Variants in CACNA2D3 observed in about 807,000 individuals in gnomAD.
CACNA2D3 encodes calcium voltage-gated channel auxiliary subunit alpha2delta 3.
A neutral mutation model predicts 160.6 loss-of-function variants in CACNA2D3; 60 were observed. The ratio of observed to expected loss-of-function variants is 0.37; its 90% CI spans 0.30 to 0.46. The LOEUF is 0.46. Ranked by LOEUF, CACNA2D3 falls within the 20% of genes least tolerant of loss-of-function variation. The pLI is 1.00. For missense variants in CACNA2D3, 1,205 were observed against 1,365.0 expected, an observed-to-expected ratio of 0.88 and a Z score of 1.85; for synonymous variants, 558 against 492.9, an observed-to-expected ratio of 1.13 and a Z score of -1.75.
intron 11 of CACNA2D3, among the ~76,000 whole-genome samples, chr3:54,680,358 T>C (rs1248357067): frequency 2.0e-5 from 3 of 152,204 alleles, no homozygotes; most frequent in Admixed American, 6.5e-5. Context: ...TTTTTCCAGA[T>C]GTGTTTATAT....
intron 2 of CACNA2D3, among the ~76,000 whole-genome samples, chr3:54,246,237 G>A (rs774465917): frequency 5.3e-5 from 8 of 152,192 alleles, no homozygotes; most frequent in Middle Eastern, 3.4e-3. Context: ...AAAATCCATG[G>A]CTTATATTTT....
At position 54,763,386 on chromosome 3, in the gene CACNA2D3, G is replaced by A. The variant is rs183666913; in HGVS notation, c.1247-832G>A. Among the ~76,000 whole-genome samples, 549 of 152,032 alleles carry A rather than the reference G, an allele frequency of 3.6e-3. 4 individuals carry two copies. Among genetic ancestry groups the A allele is most frequent in the African/African-American group, 0.013 (524 of 41,486 alleles). On this transcript the variant is annotated intron_variant, in intron 12 of 37. Transcript: ENST00000474759. ...TTAAATATGTTGTCACAAAGAAAAG[G>A]GACAACGTTGATCAAGTGTTTAGCA...
intron 11 of CACNA2D3, among the ~76,000 whole-genome samples, chr3:54,729,860 G>T (rs1457133150): frequency 2.6e-5 from 4 of 151,998 alleles, no homozygotes; most frequent in South Asian, 2.1e-4. Context: ...TAAGCTGGGC[G>T]TGATGGCAGG....
At chr3:54,899,652 T>C in intron 26 of CACNA2D3, 136 bp from the exon 27 acceptor site, 1 of 650,498 alleles carries the variant, frequency 1.5e-6, no homozygotes, top group Middle Eastern at 3.9e-4. Flanking sequence ...CATCCACACC[T>C]CAGAGGACTC....
intron 31 of CACNA2D3, among the ~76,000 whole-genome samples, chr3:54,990,914 C>CT (rs1410601248): frequency 6.6e-6 from 1 of 152,238 alleles, no homozygotes; most frequent in African/African-American, 2.4e-5. Flanking sequence ...GTGAAACAAT[C>CT]TAAGAGGCAA....
At chr3:55,073,617 T>G in intron 36 of CACNA2D3, 60 bp downstream of exon 36, 1 of 1,379,508 alleles carries the variant, frequency 7.2e-7, no homozygotes, top group Non-Finnish European at 1.0e-6. Context: ...GTATCAGTGG[T>G]AAGGAAACCT....
chr3:54,635,793 C>T (rs1019735398), intron 10 of CACNA2D3, among the ~76,000 whole-genome samples: 1 of 151,836 alleles, frequency 6.6e-6, no homozygotes, highest in East Asian at 1.9e-4. Flanking sequence ...AACTGCTTGG[C>T]TGATTTGACT....
At chr3:54,515,174 CTGTG>C (rs34453702) in intron 5 of CACNA2D3, among the ~76,000 whole-genome samples, 6 of 134,328 alleles carry the variant, frequency 4.5e-5, no homozygotes, top group African/African-American at 1.5e-4. Context: ...GTGTGTGTGT[CTGTG>C]TGTGTGTGTG....
intron 13 of CACNA2D3, among the ~76,000 whole-genome samples, chr3:54,800,470 G>A (rs964727497): frequency 3.9e-5 from 6 of 152,272 alleles, no homozygotes; most frequent in African/African-American, 1.4e-4. Context: ...CTGAAGAATG[G>A]CAATTTTAAT....
intron 27 of CACNA2D3, chr3:54,967,121 T>C (rs1040725299): frequency 1.3e-5 from 2 of 152,246 alleles, no homozygotes; most frequent in Non-Finnish European, 2.9e-5. Flanking sequence ...CGTGCACTGC[T>C]CTAGTCTTTA....
chr3:54,688,852 T>C (rs1328919882), intron 11 of CACNA2D3, among the ~76,000 whole-genome samples: 3 of 150,922 alleles, frequency 2.0e-5, no homozygotes, highest in African/African-American at 7.3e-5. Flanking sequence ...AATACAAAAA[T>C]TAGCTGGACG....
chr3:54,890,645 C>T (rs1294479624), intron 24 of CACNA2D3, among the ~76,000 whole-genome samples: 1 of 152,004 alleles, frequency 6.6e-6, no homozygotes, highest in Non-Finnish European at 1.5e-5. Context: ...GAAGTTGAAA[C>T]AAAATGATAT....
At chr3:54,450,264 C>G (rs80025697) in intron 4 of CACNA2D3, among the ~76,000 whole-genome samples, 1,776 of 152,310 alleles carry the variant, frequency 0.012, 24 homozygotes, top group Non-Finnish European at 0.018. Flanking sequence ...GTTAGGACTT[C>G]CACATATCTT....
chr3:54,556,907 A>G (rs1702249850), intron 5 of CACNA2D3, among the ~76,000 whole-genome samples: 1 of 152,188 alleles, frequency 6.6e-6, no homozygotes, highest in Non-Finnish European at 1.5e-5. Context: ...TGGGGCATGG[A>G]CAGCATTTAC....
At chr3:54,763,277 G>C (rs1175414203) in intron 12 of CACNA2D3, among the ~76,000 whole-genome samples, 1 of 152,104 alleles carries the variant, frequency 6.6e-6, no homozygotes, top group East Asian at 1.9e-4. Flanking sequence ...TTTGCTACTT[G>C]ATGCCTGAGA....
intron 27 of CACNA2D3, among the ~76,000 whole-genome samples, chr3:54,938,332 A>G (rs1252968306): frequency 6.6e-6 from 1 of 152,244 alleles, no homozygotes; most frequent in African/African-American, 2.4e-5. Context: ...TCCTGCAACT[A>G]CCTGCTTTGT....
At chr3:54,577,738 A>G (rs763078805) in intron 8 of CACNA2D3, among the ~76,000 whole-genome samples, 1 of 152,152 alleles carries the variant, frequency 6.6e-6, no homozygotes, top group African/African-American at 2.4e-5. Flanking sequence ...TGAGCTCATG[A>G]AAGAGGTGCA....
In CACNA2D3 at chr3:54,621,705, C is replaced by T. The variant is rs190677470; in HGVS notation, c.964-6082C>T. 3.5e-4 allele frequency among the ~76,000 whole-genome samples: 53 copies of T among 152,282 alleles called. 1 individual carries two copies. The highest frequency in any genetic ancestry group is 1.2e-3 in the African/African-American group (51 of 41,554). ...TCTGTAGCTGTGCCCTTGAGGCACT[C>T]GGGTCCTGGGGTCAGTGAAGTCAGC... On this transcript the variant is annotated intron_variant, in intron 9 of 37. Coordinates refer to ENST00000474759, the MANE Select transcript of CACNA2D3 (RefSeq NM_018398.3).
At chr3:54,642,659 T>A (rs1699549062) in intron 11 of CACNA2D3, among the ~76,000 whole-genome samples, 1 of 152,148 alleles carries the variant, frequency 6.6e-6, no homozygotes, top group Admixed American at 6.5e-5. Flanking sequence ...CGGCCCCCAT[T>A]ACCACCCAGA....
Sources: allele counts gnomAD v4.1 joint callset (sites outside exome capture counted in the v4.1 genomes callset), GRCh38; gene constraint gnomAD v4.1.1; transcripts MANE v1.5; gene names NCBI Gene and HGNC (gene_info 2026-07-23, HGNC 2026-07-21).